Variants in AMZ1 observed in about 807,000 individuals in gnomAD.
AMZ1 encodes the protein archaelysin family metallopeptidase 1, also known as archaemetzincin-1.
AMZ1 carries 39 observed loss-of-function variants against 29.9 expected under a neutral mutation model. That is an observed-to-expected ratio of 1.30 (90% CI 1.01 to 1.70). The LOEUF (loss-of-function observed/expected upper bound fraction) is 1.70, where lower values mean the gene tolerates loss of function less well. Ranked by LOEUF, AMZ1 falls within the 40% of genes most tolerant of loss-of-function variation. AMZ1 has a pLI of 0.00. For missense variants in AMZ1, 1,041 were observed against 680.6 expected, an observed-to-expected ratio of 1.53 and a Z score of -5.89; for synonymous variants, 458 against 304.0, an observed-to-expected ratio of 1.51 and a Z score of -5.27.
chr7:2,711,953 A>C (rs990553873), intron 6 of AMZ1, among the ~76,000 whole-genome samples: 2 of 152,172 alleles, frequency 1.3e-5, no homozygotes, highest in African/African-American at 4.8e-5. Context: ...AGGCCAACGC[A>C]GGAGAATTGC....
intron 4 of AMZ1, among the ~76,000 whole-genome samples, chr7:2,738,741 C>T (rs1333928491): frequency 1.3e-5 from 2 of 152,160 alleles, no homozygotes; most frequent in Admixed American, 1.3e-4. Flanking sequence ...ACCAACCCCT[C>T]AAAATTGAAC....
chr7:2,687,211 C>A (rs1289377178), upstream of AMZ1, among the ~76,000 whole-genome samples: 1 of 152,054 alleles, frequency 6.6e-6, no homozygotes, highest in Non-Finnish European at 1.5e-5. Context: ...CCTATAATCC[C>A]CACTACTCAG....
chr7:2,705,802 T>G (rs1046044430), intron 3 of AMZ1, among the ~76,000 whole-genome samples: 1 of 152,204 alleles, frequency 6.6e-6, no homozygotes, highest in Non-Finnish European at 1.5e-5. Context: ...CAGTGGGGTC[T>G]GGGGACAATG....
intron 4 of AMZ1, among the ~76,000 whole-genome samples, chr7:2,738,916 C>T (rs1790351893): frequency 1.3e-5 from 2 of 152,176 alleles, no homozygotes; most frequent in Admixed American, 6.5e-5. Context: ...GCCCCCTTGC[C>T]CTGTGTGTAG....
At chr7:2,720,740 T>C (rs1789385437), downstream of AMZ1, among the ~76,000 whole-genome samples, 1 of 152,040 alleles carries the variant, frequency 6.6e-6, no homozygotes, top group Non-Finnish European at 1.5e-5. Flanking sequence ...GGGGTCTTGC[T>C]ATGTTGCCCA....
chr7:2,708,847 G>A, intron 4 of AMZ1, 131 bp downstream of exon 4: 1 of 1,438,426 alleles, frequency 7.0e-7, no homozygotes, highest in Non-Finnish European at 9.5e-7. Flanking sequence ...CTGTGCATGG[G>A]AATAGATGGC....
chr7:2,681,030 C>T (rs1786864322), intron 1 of AMZ1, among the ~76,000 whole-genome samples: 1 of 152,248 alleles, frequency 6.6e-6, no homozygotes, highest in Non-Finnish European at 1.5e-5. Flanking sequence ...GGACGCTGAG[C>T]ACCGACTGTT....
At chr7:2,750,175 GT>G (rs1203661854) in intron 4 of AMZ1, among the ~76,000 whole-genome samples, 1 of 152,146 alleles carries the variant, frequency 6.6e-6, no homozygotes, top group Non-Finnish European at 1.5e-5. Flanking sequence ...CCTGGAAGTC[GT>G]CACTCCCATC....
upstream of AMZ1, chr7:2,763,010 C>A (rs1338039381): frequency 1.6e-6 from 2 of 1,277,670 alleles, no homozygotes; most frequent in East Asian, 3.1e-5. Flanking sequence ...TCGCCAACAG[C>A]CCCGCCGGCC....
At chr7:2,749,471 T>C (rs1295314691) in intron 4 of AMZ1, among the ~76,000 whole-genome samples, 1 of 121,648 alleles carries the variant, frequency 8.2e-6, no homozygotes, top group African/African-American at 3.3e-5. Context: ...TGACAACACA[T>C]GGACACGGGA....
At chr7:2,692,398 C>T (rs1432913740) in intron 1 of AMZ1, among the ~76,000 whole-genome samples, 10 of 152,182 alleles carry the variant, frequency 6.6e-5, no homozygotes, top group Admixed American at 1.3e-4. Context: ...AAAAATTAGC[C>T]GGGTGTGGTG....
intron 4 of AMZ1, among the ~76,000 whole-genome samples, chr7:2,751,409 A>AC (rs1791032152): frequency 1.3e-5 from 2 of 151,992 alleles, no homozygotes; most frequent in Admixed American, 1.3e-4. Context: ...GAAAAAAAAA[A>AC]AAAACAGCTT....
rs561307593 is a variant in AMZ1 at position 2,710,054 on chromosome 7, G to A, written c.948+238G>A. 6.6e-5 allele frequency among the ~76,000 whole-genome samples: 10 copies of A among 152,362 alleles called. No individual in the cohort carries two copies. In the South Asian group the frequency reaches 8.3e-4, roughly 13 times the overall value. ...GTGGCTGTGACTGGGAGGTTGCAGC[G>A]GGGTCGAGTGGGGACGAGGGCTTTT... On this transcript the variant is annotated intron_variant, in intron 6 of 6. Transcript: ENST00000683327.
chr7:2,717,195 C>T lies in AMZ1; in HGVS notation c.*4317C>T, dbSNP rs2115222381. On this transcript the variant is annotated 3_prime_UTR_variant, in exon 7 of 7. Transcript: ENST00000683327. ...AGGTGAGGTGCCAACGAAAACACCC[C>T]CGTGATTGCTGGGGCTTCACTGATT... Among the ~76,000 whole-genome samples, 1 of 152,318 alleles carries T rather than the reference C, an allele frequency of 6.6e-6. No individual in the cohort carries two copies. The highest frequency in any genetic ancestry group is 2.4e-5 in the African/African-American group (1 of 41,558).
rs1231276530 is a variant in AMZ1 at position 2,731,247 on chromosome 7, G to A, written n.550+21431G>A. On this transcript the variant is annotated intron_variant and non_coding_transcript_variant, in intron 4 of 4. Transcript: ENST00000489665. The surrounding 1 kb of genome is among the most constrained non-coding windows in gnomAD (Gnocchi z 6.0). ...TGTCTTTCACAGCATGGAACACGAA[G>A]CGGACGTTCTCGGTGTCGATGGCGG... is the stretch of plus-strand genomic sequence containing the variant. The A allele has an allele frequency of 4.3e-6, 7 of 1,613,958 alleles. No homozygotes were observed. The highest frequency in any genetic ancestry group is 5.9e-6 in the Non-Finnish European group (7 of 1,179,988).
chr7:2,700,838 C>T (rs1255588154), intron 2 of AMZ1, 83 bp downstream of exon 2: 23 of 1,515,890 alleles, frequency 1.5e-5, no homozygotes, highest in Non-Finnish European at 2.0e-5. Flanking sequence ...GTGCATAGCC[C>T]CCAGGCAGGA....
At chr7:2,687,699 T>C (rs1323448874), upstream of AMZ1, among the ~76,000 whole-genome samples, 2 of 52,352 alleles carry the variant, frequency 3.8e-5, no homozygotes, top group African/African-American at 8.1e-5. Flanking sequence ...TTCACCCCTC[T>C]CACCTGGGGC....
At chr7:2,700,803 T>C (rs756710822) in intron 2 of AMZ1, 48 bp downstream of exon 2, 18 of 1,583,820 alleles carry the variant, frequency 1.1e-5, no homozygotes. Flanking sequence ...GACCAGCTTA[T>C]ATATAGCACA....
At chr7:2,743,091 G>T (rs577332314) in intron 4 of AMZ1, among the ~76,000 whole-genome samples, 2 of 152,298 alleles carry the variant, frequency 1.3e-5, no homozygotes, top group South Asian at 4.1e-4. Context: ...GGGGTAAGGT[G>T]GGAACACTCC....
Sources: allele counts gnomAD v4.1 joint callset (sites outside exome capture counted in the v4.1 genomes callset), GRCh38; gene constraint gnomAD v4.1.1; non-coding constraint Gnocchi (gnomAD v3.1); transcripts MANE v1.5; gene names NCBI Gene and HGNC (gene_info 2026-07-23, HGNC 2026-07-21).